FMO1: variants seen among roughly 807,000 people sequenced by gnomAD.
The protein encoded by FMO1 is flavin-containing monooxygenase 1.
In FMO1, 36 loss-of-function variants were observed where a neutral mutation model predicts 45.4. The observed-to-expected ratio is 0.79, with a 90% CI of 0.61 to 1.05. The LOEUF (loss-of-function observed/expected upper bound fraction) is 1.05. Ranked by LOEUF, FMO1 falls within the 50% of genes least tolerant of loss-of-function variation. The probability of loss-of-function intolerance (pLI) is 0.00; values close to 1 mark genes in which losing one functional copy is unlikely to be tolerated. For synonymous variants in FMO1, 228 were observed against 227.2 expected (o/e 1.00, Z -0.03); for missense variants, 615 against 640.3 (o/e 0.96, Z 0.43).
Position 171,275,615 on chromosome 1 carries a change from T to C in FMO1, c.484+107T>C, listed in dbSNP as rs1388986055. The stretch of plus-strand genomic sequence containing the variant: ...TGGCTGTTCCATTAAATAGTTAAAG[T>C]TGGGAGGTAGGAGGAGGCTTTTTTT... On this transcript the variant is annotated intron_variant, in intron 4 of 8. Coordinates refer to ENST00000617670, the MANE Select transcript of FMO1 (RefSeq NM_001282693.2). 4.9e-6 allele frequency: 4 copies of C among 815,588 alleles called. No homozygotes were observed. In the South Asian group the frequency reaches 9.5e-5, roughly 19 times the overall value. The allele number at this position is 815,588 out of a possible 1,614,324, so 50.5% of individuals were successfully genotyped here.
chr1:171,270,925 C>G (rs1379778811), intron 3 of FMO1: 1 of 783,186 alleles, frequency 1.3e-6, no homozygotes, highest in East Asian at 2.7e-5. Context: ...GCTTTATAGA[C>G]GAGAAAAAAA....
intron 7 of FMO1, chr1:171,282,543 T>TA (rs921632790): frequency 8.9e-5 from 34 of 381,302 alleles, no homozygotes; most frequent in Admixed American, 4.0e-4. Flanking sequence ...AATATATATA[T>TA]TTTTTTGATA....
intron 1 of FMO1, among the ~76,000 whole-genome samples, chr1:171,252,033 T>C (rs1035520856): frequency 1.3e-5 from 2 of 152,156 alleles, no homozygotes; most frequent in Admixed American, 1.3e-4. Flanking sequence ...CAAAATCCCC[T>C]ATAAATTGTT....
At chr1:171,267,410 T>C in intron 2 of FMO1, 133 bp from the exon 3 acceptor site, 1 of 577,024 alleles carries the variant, frequency 1.7e-6, no homozygotes, top group East Asian at 2.9e-5. Flanking sequence ...TAAATACTAC[T>C]TCCTGATTCT....
chr1:171,283,073 A>G, intron 7 of FMO1, 71 bp from the exon 8 acceptor site: 1 of 806,180 alleles, frequency 1.2e-6, no homozygotes, highest in East Asian at 2.7e-5. Context: ...ATAGTAAAGC[A>G]TCTTTATCCA....
chr1:171,283,371 C>T (rs1661475967), intron 8 of FMO1, among the ~76,000 whole-genome samples, 155 bp downstream of exon 8: 1 of 141,116 alleles, frequency 7.1e-6, no homozygotes, highest in African/African-American at 2.6e-5. Flanking sequence ...GCATCTGAGA[C>T]TTACAAGAAA....
intron 6 of FMO1, 62 bp from the exon 7 acceptor site, chr1:171,281,916 G>C: frequency 3.2e-6 from 3 of 945,766 alleles, no homozygotes; most frequent in Non-Finnish European, 4.7e-6. Context: ...GAGGTAAAGA[G>C]AAGGGAGAGC....
intron 3 of FMO1, among the ~76,000 whole-genome samples, chr1:171,269,736 G>C (rs780637250): frequency 1.3e-4 from 20 of 152,134 alleles, no homozygotes; most frequent in Non-Finnish European, 2.6e-4. Flanking sequence ...GTTTTGTAAA[G>C]AAAAATCATT....
At chr1:171,254,272 G>A (rs1026717983) in intron 1 of FMO1, among the ~76,000 whole-genome samples, 4 of 152,016 alleles carry the variant, frequency 2.6e-5, no homozygotes, top group African/African-American at 9.7e-5. Flanking sequence ...TGTATTTTTG[G>A]TAGAGACAGG....
At chr1:171,264,963 C>G (rs1660553585) in intron 2 of FMO1, among the ~76,000 whole-genome samples, 1 of 152,020 alleles carries the variant, frequency 6.6e-6, no homozygotes, top group African/African-American at 2.4e-5. Context: ...GAGTCAGCAT[C>G]CACATGTTTG....
intron 7 of FMO1, 88 bp from the exon 8 acceptor site, chr1:171,283,056 G>A (rs1370425151): frequency 2.7e-6 from 2 of 748,624 alleles, no homozygotes; most frequent in Non-Finnish European, 4.7e-6. Flanking sequence ...GACGTGAAAG[G>A]AGAGCCATAG....
intron 8 of FMO1, among the ~76,000 whole-genome samples, chr1:171,284,226 A>T (rs1057374553): frequency 9.9e-5 from 15 of 152,054 alleles, no homozygotes; most frequent in Non-Finnish European, 1.9e-4. Context: ...CATCTAAGGA[A>T]CTTATTATCA....
At chr1:171,254,762 C>G (rs571351475) in intron 1 of FMO1, among the ~76,000 whole-genome samples, 2 of 152,306 alleles carry the variant, frequency 1.3e-5, no homozygotes, top group African/African-American at 4.8e-5. Context: ...CTTCCCTTCT[C>G]TGCCCACTGA....
At chr1:171,250,084 A>G (rs867610695) in intron 1 of FMO1, among the ~76,000 whole-genome samples, 29 of 152,214 alleles carry the variant, frequency 1.9e-4, no homozygotes, top group African/African-American at 6.3e-4. Context: ...TGTTCTAACA[A>G]CTTTGTAGTT....
intron 3 of FMO1, among the ~76,000 whole-genome samples, chr1:171,270,140 A>G (rs1290374354): frequency 6.6e-6 from 1 of 152,222 alleles, no homozygotes; most frequent in African/African-American, 2.4e-5. Flanking sequence ...TAGAGTCCTC[A>G]TGTAAAAATT....
chr1:171,281,664 G>A (rs1661363392), intron 6 of FMO1, among the ~76,000 whole-genome samples: 1 of 152,144 alleles, frequency 6.6e-6, no homozygotes, highest in Non-Finnish European at 1.5e-5. Context: ...TTCCCTTGTA[G>A]CCCTTCAGCT....
chr1:171,271,982 G>A (rs765053521), intron 3 of FMO1, among the ~76,000 whole-genome samples: 1 of 152,252 alleles, frequency 6.6e-6, no homozygotes, highest in Non-Finnish European at 1.5e-5. Flanking sequence ...TGGGGAAAAT[G>A]TCTCCAGGGC....
At chr1:171,258,246 T>C (rs1235373599) in intron 2 of FMO1, 27 bp downstream of exon 2, 1 of 1,608,112 alleles carries the variant, frequency 6.2e-7, no homozygotes, top group Non-Finnish European at 8.5e-7. Context: ...CAACTTTATC[T>C]GTCTATTGGA....
At chr1:171,279,644 A>T (rs1227435828) in intron 5 of FMO1, among the ~76,000 whole-genome samples, 1 of 152,164 alleles carries the variant, frequency 6.6e-6, no homozygotes, top group African/African-American at 2.4e-5. Context: ...ACTGCCACCC[A>T]CAACAAGCCA....
Sources: gnomAD v4.1 joint callset for allele counts (sites outside exome capture counted in the v4.1 genomes callset) on GRCh38, gnomAD v4.1.1 for gene constraint, MANE v1.5 for transcripts, NCBI Gene and HGNC (gene_info 2026-07-23, HGNC 2026-07-21) for gene names.